Variants in HADH observed in about 807,000 individuals in gnomAD.
HADH encodes hydroxyacyl-CoA dehydrogenase, also known as hydroxyacyl-coenzyme A dehydrogenase, mitochondrial.
In HADH, 24 loss-of-function variants were observed where a neutral mutation model predicts 32.2. The observed-to-expected ratio is 0.75, with a 90% CI of 0.54 to 1.05. The LOEUF (loss-of-function observed/expected upper bound fraction) is 1.05, where lower values mean the gene tolerates loss of function less well. Ranked by LOEUF, HADH falls within the 50% of genes least tolerant of loss-of-function variation. The probability of loss-of-function intolerance (pLI) is 0.00; values close to 1 mark genes in which losing one functional copy is unlikely to be tolerated. For missense variants in HADH, 350 were observed against 397.1 expected (o/e 0.88, Z 1.01); for synonymous variants, 139 against 152.5 (o/e 0.91, Z 0.65).
At chr4:108,029,824 C>T (rs1384284819) in intron 6 of HADH, 1 of 152,618 alleles carries the variant, frequency 6.6e-6, no homozygotes, top group Non-Finnish European at 1.5e-5. Context: ...TTCCCAGTAT[C>T]CCAGCTCCGT....
rs74930922 is a variant in HADH, at chr4:108,011,698, A to G, written c.261+1811A>G. Among the ~76,000 whole-genome samples the G allele has an allele frequency of 5.4e-3, 818 of 152,254 alleles. 11 individuals carry two copies. The highest frequency in any genetic ancestry group is 0.018 in the African/African-American group (768 of 41,552). On this transcript the variant is annotated intron_variant, in intron 2 of 7. Transcript: ENST00000309522. Reference sequence around the variant, plus strand: ...TTGCTGGGTTGTATGGTAATCCTATATTTAGCTTTCTGAGGAACCACCAAA... The same window carrying G: ...TTGCTGGGTTGTATGGTAATCCTATGTTTAGCTTTCTGAGGAACCACCAAA...
At chr4:108,011,343 G>C (rs867321887) in intron 2 of HADH, among the ~76,000 whole-genome samples, 4 of 152,164 alleles carry the variant, frequency 2.6e-5, no homozygotes, top group Non-Finnish European at 4.4e-5. Flanking sequence ...CCACATGGCT[G>C]GGAAGGCCTT....
intron 3 of HADH, among the ~76,000 whole-genome samples, chr4:108,015,871 C>T (rs1735674631): frequency 6.6e-6 from 1 of 152,030 alleles, no homozygotes; most frequent in Non-Finnish European, 1.5e-5. Flanking sequence ...ATGTAGGGTA[C>T]TTCTGTGCTC....
intron 2 of HADH, among the ~76,000 whole-genome samples, chr4:108,014,094 G>C (rs1456338695): frequency 6.6e-6 from 1 of 152,206 alleles, no homozygotes; most frequent in Non-Finnish European, 1.5e-5. Context: ...GCTGTGTCTA[G>C]CTTGTTTCGG....
At chr4:108,022,282 A>G (rs1017273387) in intron 4 of HADH, among the ~76,000 whole-genome samples, 9 of 151,252 alleles carry the variant, frequency 6.0e-5, no homozygotes, top group Non-Finnish European at 2.9e-5. Flanking sequence ...ATATATATAT[A>G]TATACTTCAT....
intron 3 of HADH, among the ~76,000 whole-genome samples, chr4:108,015,480 G>A (rs1300955495): frequency 1.3e-5 from 2 of 152,286 alleles, no homozygotes; most frequent in African/African-American, 4.8e-5. Flanking sequence ...CAGATTCTGA[G>A]GGGTCCCTCC....
chr4:108,017,991 C>T (rs970215577), intron 3 of HADH, among the ~76,000 whole-genome samples: 2 of 152,156 alleles, frequency 1.3e-5, no homozygotes, highest in Admixed American at 6.5e-5. Flanking sequence ...GAGATCATTT[C>T]CTCCTTCTGA....
intron 5 of HADH, chr4:108,024,735 T>G (rs983784567): frequency 6.6e-6 from 1 of 152,204 alleles, no homozygotes; most frequent in African/African-American, 2.4e-5. Flanking sequence ...GTAATGGTAT[T>G]GAAAAGAACA....
chr4:108,010,930 C>T (rs1216728505), intron 2 of HADH, among the ~76,000 whole-genome samples: 1 of 151,394 alleles, frequency 6.6e-6, no homozygotes, highest in Non-Finnish European at 1.5e-5. Context: ...CAGCTCACCG[C>T]AACCTCCACC....
chr4:108,021,573 C>G (rs532219941), intron 4 of HADH, among the ~76,000 whole-genome samples: 1 of 151,946 alleles, frequency 6.6e-6, no homozygotes, highest in Non-Finnish European at 1.5e-5. Context: ...CTAGGAGCAG[C>G]GTATCTGTAC....
intron 1 of HADH, among the ~76,000 whole-genome samples, chr4:108,003,827 CAAAAAAAAAA>C (rs1560725089): frequency 7.5e-6 from 1 of 133,804 alleles, no homozygotes; most frequent in Admixed American, 7.4e-5. Context: ...AAAAAAAAAA[CAAAAAAAAAA>C]CCCGCAAGCT....
intron 1 of HADH, among the ~76,000 whole-genome samples, chr4:108,003,109 T>TTA (rs928777555): frequency 5.3e-5 from 8 of 149,766 alleles, no homozygotes; most frequent in Non-Finnish European, 8.9e-5. Flanking sequence ...CTTAGTCTTT[T>TTA]TTTTTTTTTT....
intron 1 of HADH, among the ~76,000 whole-genome samples, chr4:108,007,170 G>T (rs538329363): frequency 6.6e-6 from 1 of 152,068 alleles, no homozygotes; most frequent in Non-Finnish European, 1.5e-5. Flanking sequence ...GCAGTGGTGC[G>T]ATCTCGGCTC....
At chr4:107,994,727 T>C (rs918354971) in intron 1 of HADH, among the ~76,000 whole-genome samples, 5 of 152,228 alleles carry the variant, frequency 3.3e-5, no homozygotes, top group African/African-American at 9.6e-5. Context: ...CTGTTTGTTA[T>C]GAAGTTTTCC....
chr4:107,998,556 G>T (rs1735022011), intron 1 of HADH, among the ~76,000 whole-genome samples: 1 of 152,130 alleles, frequency 6.6e-6, no homozygotes. Context: ...GGGATTGCAA[G>T]TGTGAGCTAC....
intron 5 of HADH, chr4:108,024,131 T>G (rs193257890): frequency 6.5e-6 from 1 of 153,882 alleles, no homozygotes; most frequent in Non-Finnish European, 1.4e-5. Flanking sequence ...TTTTTCCCCT[T>G]TCTTAAGCTG....
intron 1 of HADH, among the ~76,000 whole-genome samples, chr4:107,994,471 AAG>A (rs1039439535): frequency 4.6e-5 from 7 of 152,168 alleles, no homozygotes; most frequent in African/African-American, 1.2e-4. Flanking sequence ...GATGCTGAAA[AAG>A]AGAATGATCA....
intron 1 of HADH, among the ~76,000 whole-genome samples, chr4:107,996,352 A>G (rs1734958196): frequency 6.6e-6 from 1 of 152,200 alleles, no homozygotes. Flanking sequence ...GGATTCTTAA[A>G]TATAACGATG....
intron 1 of HADH, among the ~76,000 whole-genome samples, chr4:107,995,801 T>TG (rs34484219): frequency 6.6e-6 from 1 of 152,094 alleles, no homozygotes; most frequent in Non-Finnish European, 1.5e-5. Context: ...TGCTGTATTG[T>TG]GGGGAGAAGT....
Sources: allele counts gnomAD v4.1 joint callset (sites outside exome capture counted in the v4.1 genomes callset), GRCh38; gene constraint gnomAD v4.1.1; transcripts MANE v1.5; gene names NCBI Gene and HGNC (gene_info 2026-07-23, HGNC 2026-07-21).